The following EYS variants were observed in gnomAD, a reference collection of about 807,000 sequenced individuals.
EYS encodes EGF-like photoreceptor maintenance factor.
A neutral mutation model predicts 282.1 loss-of-function variants in EYS; 250 were observed. The observed-to-expected ratio is 0.89, with a 90% CI of 0.80 to 0.98. The LOEUF is 0.98. EYS is among the 50% of genes least tolerant of loss of function. The pLI, the probability that EYS is intolerant of heterozygous loss-of-function variation, is 0.00. For missense variants in EYS, 4,016 were observed against 3,709.0 expected (o/e 1.08, Z -2.15); for synonymous variants, 1,355 against 1,282.9 (o/e 1.06, Z -1.20).
intron 2 of EYS, among the ~76,000 whole-genome samples, chr6:65,591,784 A>G (rs1765243562): frequency 6.6e-6 from 1 of 151,966 alleles, no homozygotes; most frequent in African/African-American, 2.4e-5. Flanking sequence ...TCCTGGACTT[A>G]TATACTCTCT....
intron 23 of EYS, among the ~76,000 whole-genome samples, chr6:64,621,345 C>T (rs1166978497): frequency 2.0e-5 from 3 of 151,998 alleles, no homozygotes; most frequent in Non-Finnish European, 4.4e-5. Context: ...TGATTTCTAT[C>T]TGATGTTATG....
chr6:65,638,867 G>A (rs1173439844), intron 2 of EYS, among the ~76,000 whole-genome samples: 2 of 152,214 alleles, frequency 1.3e-5, no homozygotes, highest in African/African-American at 2.4e-5. Flanking sequence ...TCAGGCAAAC[G>A]TGCCACTGGC....
At chr6:64,679,755 AT>A (rs1446494660) in intron 22 of EYS, among the ~76,000 whole-genome samples, 1 of 152,148 alleles carries the variant, frequency 6.6e-6, no homozygotes, top group Non-Finnish European at 1.5e-5. Context: ...TACCATTTTA[AT>A]TATTTTTTCT....
chr6:65,461,956 G>A (rs534655315), intron 5 of EYS, among the ~76,000 whole-genome samples: 1 of 152,094 alleles, frequency 6.6e-6, no homozygotes, highest in East Asian at 1.9e-4. Flanking sequence ...CATAGAGAAT[G>A]AAAACCTATT....
At chr6:64,566,430 A>G (rs55891763) in intron 26 of EYS, among the ~76,000 whole-genome samples, 2 of 152,308 alleles carry the variant, frequency 1.3e-5, no homozygotes, top group Non-Finnish European at 2.9e-5. Context: ...CATTAAAATT[A>G]TCATCAGTAT....
At chr6:65,247,242 A>T (rs1767203301) in intron 12 of EYS, among the ~76,000 whole-genome samples, 1 of 151,966 alleles carries the variant, frequency 6.6e-6, no homozygotes, top group Non-Finnish European at 1.5e-5. Flanking sequence ...TGAATACAAC[A>T]TATGCTCACT....
rs191564271 is a variant in EYS at position 65,197,147 on chromosome 6, T to C, written c.2023+98716A>G. Among the ~76,000 whole-genome samples, 5 of 152,202 alleles carry C rather than the reference T, an allele frequency of 3.3e-5. No individual in the cohort carries two copies. The East Asian group carries it at 9.7e-4, about 30-fold the overall frequency. ...ATGAGAGGCAGAATACAGGACGGTA[T>C]TGAAGAAAATAGACTCTCCTTTCAT... On this transcript the variant is annotated intron_variant, in intron 12 of 42. Transcript: ENST00000503581.
intron 35 of EYS, among the ~76,000 whole-genome samples, chr6:63,871,274 A>G (rs988265101): frequency 2.6e-5 from 4 of 152,192 alleles, no homozygotes; most frequent in African/African-American, 4.8e-5. Flanking sequence ...AACGTTTTTG[A>G]TGAGGGAATG....
chr6:64,958,398 AAAAC>A (rs1769790122), intron 14 of EYS, among the ~76,000 whole-genome samples: 1 of 151,464 alleles, frequency 6.6e-6, no homozygotes, highest in Non-Finnish European at 1.5e-5. Context: ...TAAACAAAAC[AAAAC>A]AAACAAATTT....
intron 41 of EYS, among the ~76,000 whole-genome samples, chr6:63,729,917 A>G (rs994961166): frequency 6.6e-6 from 1 of 152,196 alleles, no homozygotes; most frequent in African/African-American, 2.4e-5. Context: ...ATTTACGTCT[A>G]TCTAAACCTC....
rs946992131 is a variant in EYS, at chr6:64,446,636, A to C, written c.5645-7284T>G. Among the ~76,000 whole-genome samples, 3 of 152,024 alleles carry C rather than the reference A, an allele frequency of 2.0e-5. 1 individual carries two copies. The South Asian group carries it at 6.2e-4, about 31-fold the overall frequency. The stretch of plus-strand genomic sequence containing the variant: ...TAAAAATCAAGTATTTTTTATAGTT[A>C]GTGTTTCTATATACAAGATTAAATG... On this transcript the variant is annotated intron_variant, in intron 26 of 42. Coordinates refer to ENST00000503581, the MANE Select transcript of EYS (RefSeq NM_001142800.2).
At chr6:65,507,404 G>C (rs748384689) in intron 2 of EYS, among the ~76,000 whole-genome samples, 2 of 151,676 alleles carry the variant, frequency 1.3e-5, no homozygotes, top group Non-Finnish European at 2.9e-5. Context: ...AAATTTTTTT[G>C]TTTTGTTTTT....
chr6:65,338,563 T>C (rs1426146927), intron 10 of EYS, among the ~76,000 whole-genome samples: 1 of 151,078 alleles, frequency 6.6e-6, no homozygotes, highest in Non-Finnish European at 1.5e-5. Flanking sequence ...ACTGTATATA[T>C]ATTATGTACA....
intron 22 of EYS, among the ~76,000 whole-genome samples, chr6:64,707,004 C>T (rs1465766197): frequency 1.3e-5 from 2 of 152,058 alleles, no homozygotes; most frequent in Admixed American, 6.5e-5. Flanking sequence ...GATACTTGCA[C>T]ACACGTTTAT....
At chr6:64,230,175 C>T (rs576260214) in intron 31 of EYS, among the ~76,000 whole-genome samples, 104 of 152,222 alleles carry the variant, frequency 6.8e-4, no homozygotes, top group African/African-American at 2.3e-3. Context: ...TATTCTTAAA[C>T]ACTAAATTCA....
chr6:65,042,032 A>C, intron 13 of EYS, among the ~76,000 whole-genome samples: 1 of 151,626 alleles, frequency 6.6e-6, no homozygotes, highest in East Asian at 1.9e-4. Context: ...AAAACCTATT[A>C]TTATTTCTCA....
At chr6:65,541,895 A>T (rs891225239) in intron 2 of EYS, among the ~76,000 whole-genome samples, 2 of 152,092 alleles carry the variant, frequency 1.3e-5, no homozygotes, top group African/African-American at 2.4e-5. Context: ...GCTCACCATC[A>T]CGGAGGATGG....
intron 29 of EYS, among the ~76,000 whole-genome samples, chr6:64,381,712 A>T (rs1375612795): frequency 6.6e-6 from 1 of 152,214 alleles, no homozygotes; most frequent in Non-Finnish European, 1.5e-5. Flanking sequence ...ATTTTGGTGT[A>T]TTGGATATGT....
intron 12 of EYS, among the ~76,000 whole-genome samples, chr6:65,086,437 G>C (rs767845775): frequency 3.9e-5 from 6 of 152,108 alleles, no homozygotes; most frequent in Non-Finnish European, 8.8e-5. Flanking sequence ...AGGCTTTCAT[G>C]GTTTCTTTTT....
Sources: gnomAD v4.1 joint callset for allele counts (sites outside exome capture counted in the v4.1 genomes callset) on GRCh38, gnomAD v4.1.1 for gene constraint, MANE v1.5 for transcripts, NCBI Gene and HGNC (gene_info 2026-07-23, HGNC 2026-07-21) for gene names.